NRG3: variants seen among roughly 807,000 people sequenced by gnomAD.
The protein encoded by NRG3 is neuregulin 3.
A neutral mutation model predicts 66.9 loss-of-function variants in NRG3; 31 were observed. The observed-to-expected ratio is 0.46, with a 90% confidence interval of 0.35 to 0.63. The LOEUF (loss-of-function observed/expected upper bound fraction) is 0.63, where lower values mean the gene tolerates loss of function less well. Among genes scored for constraint, NRG3 ranks in the 20% least tolerant of loss-of-function variants. NRG3 has a pLI of 0.00. For synonymous variants in NRG3, 393 were observed against 359.4 expected (o/e 1.09, Z -1.06); for missense variants, 910 against 878.9 (o/e 1.04, Z -0.45).
At chr10:82,865,113 C>T (rs186696770) in intron 3 of NRG3, among the ~76,000 whole-genome samples, 16 of 152,150 alleles carry the variant, frequency 1.1e-4, no homozygotes, top group Middle Eastern at 3.4e-3. Context: ...AACAATTTTT[C>T]TTTTTCTTTC....
intron 3 of NRG3, among the ~76,000 whole-genome samples, chr10:82,792,492 G>A (rs1362570832): frequency 1.3e-5 from 2 of 151,850 alleles, no homozygotes; most frequent in Admixed American, 6.6e-5. Flanking sequence ...GTTTCCTGTT[G>A]GAGCTTTTAA....
intron 1 of NRG3, among the ~76,000 whole-genome samples, chr10:82,051,055 A>G (rs2063568053): frequency 6.6e-6 from 1 of 152,084 alleles, no homozygotes; most frequent in Non-Finnish European, 1.5e-5. Context: ...AAATGGGCAA[A>G]GCAATATATC....
intron 2 of NRG3, among the ~76,000 whole-genome samples, chr10:82,499,248 G>GT (rs1023978365): frequency 3.3e-5 from 5 of 152,206 alleles, no homozygotes; most frequent in African/African-American, 1.2e-4. Context: ...GTTTGCTTTT[G>GT]TTTTTTCAAA....
At chr10:82,527,418 GCA>G (rs1846826210) in intron 2 of NRG3, among the ~76,000 whole-genome samples, 1 of 152,162 alleles carries the variant, frequency 6.6e-6, no homozygotes, top group African/African-American at 2.4e-5. Context: ...GTGGCTGTTT[GCA>G]CACAGAGTGG....
chr10:82,059,101 A>G (rs1371930447), intron 1 of NRG3, among the ~76,000 whole-genome samples: 1 of 152,196 alleles, frequency 6.6e-6, no homozygotes, highest in Non-Finnish European at 1.5e-5. Context: ...AATGCTGCAG[A>G]ATGAAGCCGG....
Position 82,887,058 on chromosome 10 carries a change from T to A in NRG3, c.1054+21621T>A, listed in dbSNP as rs560015131. 2.0e-5 allele frequency among the ~76,000 whole-genome samples: 3 copies of A among 152,334 alleles called. No individual in the cohort carries two copies. The East Asian group carries it at 5.8e-4, about 29-fold the overall frequency. On this transcript the variant is annotated intron_variant, in intron 4 of 8. Coordinates refer to ENST00000372141, the MANE Select transcript of NRG3 (RefSeq NM_001010848.4). ...GAAATGTCTCACGCAGTCATTATTT[T>A]GATCTGGCTAAAGATGCAGTGTAGC... is the stretch of plus-strand genomic sequence containing the variant.
At chr10:82,779,436 C>A (rs975541164) in intron 3 of NRG3, among the ~76,000 whole-genome samples, 3 of 152,098 alleles carry the variant, frequency 2.0e-5, no homozygotes, top group African/African-American at 7.2e-5. Flanking sequence ...TACTCTACTT[C>A]AGTGCTTTCC....
chr10:81,981,403 T>G (rs1414938372), intron 1 of NRG3, among the ~76,000 whole-genome samples: 3 of 152,238 alleles, frequency 2.0e-5, no homozygotes, highest in African/African-American at 7.2e-5. Context: ...TATTAGATAT[T>G]AAGGCTCAGT....
chr10:82,559,878 A>G (rs2044914144), intron 2 of NRG3, among the ~76,000 whole-genome samples: 1 of 152,156 alleles, frequency 6.6e-6, no homozygotes, highest in Non-Finnish European at 1.5e-5. Flanking sequence ...ATTAATGAGA[A>G]TTCTCTTGAG....
chr10:82,587,732 T>C (rs2046756707), intron 2 of NRG3, among the ~76,000 whole-genome samples: 1 of 152,206 alleles, frequency 6.6e-6, no homozygotes, highest in Non-Finnish European at 1.5e-5. Context: ...AGGGGTTCTC[T>C]GTTTAGAGTC....
chr10:82,066,254 G>T (rs1265288958), intron 1 of NRG3, among the ~76,000 whole-genome samples: 5 of 152,014 alleles, frequency 3.3e-5, no homozygotes, highest in Non-Finnish European at 7.4e-5. Flanking sequence ...ATGTGTTTAT[G>T]ATTTAATTGA....
intron 1 of NRG3, among the ~76,000 whole-genome samples, chr10:82,237,784 C>T (rs1274152210): frequency 6.6e-6 from 1 of 152,106 alleles, no homozygotes; most frequent in Non-Finnish European, 1.5e-5. Context: ...AACAGAGGTT[C>T]TTACATGACT....
At chr10:82,033,659 G>A (rs1290776531) in intron 1 of NRG3, among the ~76,000 whole-genome samples, 1 of 152,118 alleles carries the variant, frequency 6.6e-6, no homozygotes, top group African/African-American at 2.4e-5. Flanking sequence ...AGTGATGGAT[G>A]TATGCTTGTG....
At chr10:82,718,301 C>T (rs2057097432) in intron 2 of NRG3, among the ~76,000 whole-genome samples, 1 of 152,116 alleles carries the variant, frequency 6.6e-6, no homozygotes, top group South Asian at 2.1e-4. Flanking sequence ...AATCAATTGT[C>T]TTTATTAAAA....
At chr10:82,355,272 G>A (rs1158718650) in intron 1 of NRG3, among the ~76,000 whole-genome samples, 3 of 152,100 alleles carry the variant, frequency 2.0e-5, no homozygotes, top group Non-Finnish European at 2.9e-5. Flanking sequence ...CAAATGTTCC[G>A]TGTTTCTTCT....
intron 2 of NRG3, among the ~76,000 whole-genome samples, chr10:82,558,421 C>G (rs2132977387): frequency 6.6e-6 from 1 of 152,266 alleles, no homozygotes; most frequent in Non-Finnish European, 1.5e-5. Context: ...AGCTTTCCTG[C>G]AGATTAATCT....
intron 1 of NRG3, among the ~76,000 whole-genome samples, chr10:81,911,632 TGAG>T (rs1433554765): frequency 7.4e-6 from 1 of 134,924 alleles, no homozygotes; most frequent in Non-Finnish European, 1.5e-5. Context: ...TTTTTTTTGA[TGAG>T]ACTACAAGGA....
chr10:82,292,309 GAAAA>G (rs2079794539), intron 1 of NRG3, among the ~76,000 whole-genome samples: 1 of 151,558 alleles, frequency 6.6e-6, no homozygotes, highest in South Asian at 2.1e-4. Flanking sequence ...TAAAAAAAAA[GAAAA>G]AAGGAAGTAG....
intron 1 of NRG3, among the ~76,000 whole-genome samples, chr10:82,070,838 T>G (rs1012765583): frequency 1.3e-5 from 2 of 152,208 alleles, no homozygotes; most frequent in Admixed American, 6.5e-5. Context: ...ACCCCCATTG[T>G]TTATGTAATG....
Sources: allele counts gnomAD v4.1 joint callset (sites outside exome capture counted in the v4.1 genomes callset), GRCh38; gene constraint gnomAD v4.1.1; transcripts MANE v1.5; gene names NCBI Gene and HGNC (gene_info 2026-07-23, HGNC 2026-07-21).